The following ANKRD11 variants were observed in gnomAD, a reference collection of about 807,000 sequenced individuals.
The protein encoded by ANKRD11 is ankyrin repeat domain-containing protein 11.
Under a neutral mutation model 195.7 loss-of-function variants are expected in ANKRD11, and 17 were observed. The ratio of observed to expected loss-of-function variants is 0.09; its 90% CI spans 0.06 to 0.13. ANKRD11 has a LOEUF of 0.13. ANKRD11 is among the 10% of genes least tolerant of loss of function. ANKRD11 has a pLI of 1.00. For missense variants in ANKRD11, 3,735 were observed against 3,566.1 expected (o/e 1.05, Z -1.21); for synonymous variants, 1,953 against 1,528.1 (o/e 1.28, Z -6.49).
intron 2 of ANKRD11, among the ~76,000 whole-genome samples, chr16:89,347,120 T>C (rs1567680831): frequency 6.6e-6 from 1 of 152,066 alleles, no homozygotes; most frequent in Non-Finnish European, 1.5e-5. Context: ...GAGGTGTCTC[T>C]CGTTGGTCCG....
At chr16:89,456,984 G>C (rs1292102192) in intron 1 of ANKRD11, among the ~76,000 whole-genome samples, 2 of 146,868 alleles carry the variant, frequency 1.4e-5, no homozygotes, top group Non-Finnish European at 3.0e-5. Flanking sequence ...TTTTGAGACG[G>C]AGTCTCGCTC....
intron 3 of ANKRD11, among the ~76,000 whole-genome samples, chr16:89,313,957 A>G (rs1333826952): frequency 6.6e-6 from 1 of 152,226 alleles, no homozygotes; most frequent in African/African-American, 2.4e-5. Context: ...AAAACAGGAC[A>G]GGCTGGGTGT....
chr16:89,377,955 A>G (rs745991237), intron 2 of ANKRD11, among the ~76,000 whole-genome samples: 4 of 152,068 alleles, frequency 2.6e-5, no homozygotes, highest in Non-Finnish European at 5.9e-5. Flanking sequence ...ACTTCCACTT[A>G]ATGAGAAGTA....
At chr16:89,277,327 G>A (rs994049773) in intron 9 of ANKRD11, among the ~76,000 whole-genome samples, 1 of 152,184 alleles carries the variant, frequency 6.6e-6, no homozygotes, top group Non-Finnish European at 1.5e-5. Flanking sequence ...GCTGTGCCTT[G>A]GGCCTCAGGC....
At chr16:89,446,535 C>G (rs2152306510) in intron 1 of ANKRD11, among the ~76,000 whole-genome samples, 1 of 152,146 alleles carries the variant, frequency 6.6e-6, no homozygotes, top group Admixed American at 6.5e-5. Context: ...GCTCAACAGG[C>G]AGAGGTGGCA....
In ANKRD11 at chr16:89,440,595, C is replaced by G. The variant is rs145092534; in HGVS notation, c.-144-22227G>C. 5.3e-5 allele frequency among the ~76,000 whole-genome samples: 8 copies of G among 152,122 alleles called. No individual in the cohort carries two copies. The East Asian group carries it at 1.5e-3, about 29-fold the overall frequency. On this transcript the variant is annotated intron_variant, in intron 1 of 12. Coordinates refer to ENST00000301030, the MANE Select transcript of ANKRD11 (RefSeq NM_013275.6). ...TACCAATGCACTCCAACCTGGATGA[C>G]ACGACAAAACTCTGTCTCAAAAGGA...
At chr16:89,313,139 C>T (rs537985236) in intron 3 of ANKRD11, among the ~76,000 whole-genome samples, 1 of 152,344 alleles carries the variant, frequency 6.6e-6, no homozygotes, top group South Asian at 2.1e-4. Context: ...GCTCAGGTGA[C>T]TGCTCGTCGG....
chr16:89,466,250 A>G (rs1033173684), intron 1 of ANKRD11, among the ~76,000 whole-genome samples: 7 of 152,030 alleles, frequency 4.6e-5, no homozygotes, highest in African/African-American at 1.7e-4. Flanking sequence ...TTATTTATCT[A>G]AAACCCAAAA....
At chr16:89,317,222 A>G (rs1198239110) in intron 2 of ANKRD11, 144 bp from the exon 3 acceptor site, 3 of 684,540 alleles carry the variant, frequency 4.4e-6, no homozygotes, top group Non-Finnish European at 7.8e-6. Flanking sequence ...AGGCCCAGGA[A>G]GGGACTTCTC....
At chr16:89,449,525 G>A (rs1220207239) in intron 1 of ANKRD11, among the ~76,000 whole-genome samples, 1 of 152,082 alleles carries the variant, frequency 6.6e-6, no homozygotes, top group Non-Finnish European at 1.5e-5. Flanking sequence ...CGGGCGTGGT[G>A]GCTCATGCCT....
intron 1 of ANKRD11, among the ~76,000 whole-genome samples, chr16:89,475,300 C>A (rs998832091): frequency 1.3e-5 from 2 of 152,144 alleles, no homozygotes; most frequent in South Asian, 2.1e-4. Flanking sequence ...CCTGAGGCTC[C>A]GTGGCCAAGC....
At chr16:89,393,023 T>C (rs1264068859) in intron 2 of ANKRD11, among the ~76,000 whole-genome samples, 1 of 152,006 alleles carries the variant, frequency 6.6e-6, no homozygotes, top group Non-Finnish European at 1.5e-5. Flanking sequence ...TTCTACTTCT[T>C]ATTCAAGGCC....
rs2034480949 is a variant in ANKRD11 at position 89,284,155 on chromosome 16, T to G, written c.2387A>C (p.Lys796Thr). The part of the protein sequence containing the change: ...KISKEKEKIF[K>T]EDKEKLKKEK... ...TTTTTTGAGTTTTTCTTTATCTTCT[T>G]TAAAAATCTTCTCCTTCTCTTTTGA... Residue 796 changes from lysine to threonine, a missense_variant, in exon 9 of 13, where the codon AAA (lysine) becomes ACA (threonine). Physicochemically the swap from Lys to Thr is moderately conservative, Grantham distance 78. Transcript: ENST00000301030. The G allele has an allele frequency of 6.2e-7, 1 of 1,604,582 alleles. No individual in the cohort carries two copies. Among genetic ancestry groups the G allele is most frequent in the Admixed American group, 1.7e-5 (1 of 58,156 alleles).
chr16:89,281,145 G>A lies in ANKRD11; in HGVS notation c.5397C>T (p.Pro1799=), dbSNP rs140556973. The change falls in exon 9 of 13, where the codon CCC becomes CCT. Residue 1799 remains proline, a synonymous_variant. Transcript: ENST00000301030. This position sits in a 1 kb window ranked among gnomAD's most constrained non-coding sequence, Gnocchi z 5.5. Reference sequence around the variant, plus strand: ...TGTCTCCGACGCTGAATTCTTCCTCGGGGGTCCTCCTAATGTCGACAGAGA... The same window carrying A: ...TGTCTCCGACGCTGAATTCTTCCTCAGGGGTCCTCCTAATGTCGACAGAGA... ...RSVSVDIRRT[P]EEEFSVGDKL... 8.7e-6 allele frequency: 14 copies of A among 1,613,756 alleles called. No homozygotes were observed. Among genetic ancestry groups the A allele is most frequent in the East Asian group, 2.2e-5 (1 of 44,872 alleles).
chr16:89,279,324 C>T lies in ANKRD11; in HGVS notation c.7218G>A (p.Gln2406=). 6 of 1,611,836 alleles carry T rather than the reference C, an allele frequency of 3.7e-6. No individual in the cohort carries two copies. Among genetic ancestry groups the T allele is most frequent in the Non-Finnish European group, 5.1e-6 (6 of 1,179,726 alleles). ...LQQQLNTSTQ[Q]TREVIQQTLA... is the part of the protein sequence containing the mutation. The stretch of plus-strand genomic sequence containing the variant: ...GCGTCTGCTGGATCACCTCCCGCGT[C>T]TGCTGCGTGGACGTGTTCAGCTGCT... Residue 2406 remains glutamine (Q), a synonymous_variant, in exon 9 of 13, where the codon CAG becomes CAA. Transcript: ENST00000301030. This position sits in a 1 kb window ranked among gnomAD's most constrained non-coding sequence, Gnocchi z 5.6.
intron 1 of ANKRD11, among the ~76,000 whole-genome samples, chr16:89,468,201 C>G (rs142664981): frequency 3.3e-5 from 5 of 152,310 alleles, no homozygotes; most frequent in Non-Finnish European, 4.4e-5. Flanking sequence ...AAGCAGAAAT[C>G]TAAACAATTA....
intron 2 of ANKRD11, chr16:89,339,921 T>A (rs973408677): frequency 6.6e-6 from 1 of 152,224 alleles, no homozygotes; most frequent in African/African-American, 2.4e-5. Context: ...AGGTAACGCA[T>A]TGGACGGTTC....
intron 2 of ANKRD11, among the ~76,000 whole-genome samples, chr16:89,408,394 T>C (rs1315918980): frequency 3.3e-5 from 5 of 152,232 alleles, no homozygotes; most frequent in African/African-American, 4.8e-5. Context: ...CAGCACCCAG[T>C]TGCCTGGGCA....
In ANKRD11 at chr16:89,335,359, G is replaced by C. The variant is rs567936965; in HGVS notation, c.-59-18281C>G. Among the ~76,000 whole-genome samples, 5 of 152,338 alleles carry C rather than the reference G, an allele frequency of 3.3e-5. No homozygotes were observed. The South Asian group carries it at 1.0e-3, about 32-fold the overall frequency. On this transcript the variant is annotated intron_variant, in intron 2 of 12. Transcript: ENST00000301030. ...AGCACAGGAACAAATCCACACCGAG[G>C]CATCCGTGAGTCCCACAGGTCCCAG...
Sources: allele counts gnomAD v4.1 joint callset (sites outside exome capture counted in the v4.1 genomes callset), GRCh38; gene constraint gnomAD v4.1.1; non-coding constraint Gnocchi (gnomAD v3.1); transcripts MANE v1.5; gene names NCBI Gene and HGNC (gene_info 2026-07-23, HGNC 2026-07-21).